Variants in COMMD1 observed in about 807,000 individuals in gnomAD.
COMMD1 encodes the protein copper metabolism domain containing 1.
Under a neutral mutation model 17.2 loss-of-function variants are expected in COMMD1, and 10 were observed. The observed-to-expected ratio is 0.58, with a 90% CI of 0.36 to 0.99. The LOEUF is 0.99. COMMD1 is among the 50% of genes least tolerant of loss of function. The pLI is 0.01. For synonymous variants in COMMD1, 97 were observed against 91.6 expected (o/e 1.06, Z -0.34); for missense variants, 270 against 231.8 (o/e 1.17, Z -1.07).
At chr2:62,000,039 C>A (rs1432228573) in intron 1 of COMMD1, among the ~76,000 whole-genome samples, 1 of 151,332 alleles carries the variant, frequency 6.6e-6, no homozygotes, top group Non-Finnish European at 1.5e-5. Flanking sequence ...TCTCCTGCCT[C>A]AGCCTCCCGA....
intron 2 of COMMD1, among the ~76,000 whole-genome samples, chr2:62,096,954 T>C (rs1558598075): frequency 6.6e-6 from 1 of 152,198 alleles, no homozygotes; most frequent in Non-Finnish European, 1.5e-5. Flanking sequence ...TAAGTAGGAC[T>C]TTCTGAGTAG....
intron 2 of COMMD1, among the ~76,000 whole-genome samples, chr2:62,088,499 A>G (rs1266565574): frequency 6.6e-6 from 1 of 152,222 alleles, no homozygotes; most frequent in East Asian, 1.9e-4. Flanking sequence ...CAGGCTGGAA[A>G]TATAAATGGT....
At chr2:61,931,517 T>A (rs1670467485) in intron 1 of COMMD1, among the ~76,000 whole-genome samples, 2 of 152,232 alleles carry the variant, frequency 1.3e-5, no homozygotes, top group Non-Finnish European at 2.9e-5. Flanking sequence ...GGGCAGAGCC[T>A]CTAAAGGTGT....
intron 1 of COMMD1, among the ~76,000 whole-genome samples, chr2:61,932,789 G>T (rs189038268): frequency 6.6e-5 from 10 of 152,302 alleles, no homozygotes; most frequent in African/African-American, 2.4e-4. Context: ...GCAAATGAAT[G>T]CTGGAAGCAG....
intron 1 of COMMD1, among the ~76,000 whole-genome samples, chr2:61,931,319 TAAATA>T (rs1670462254): frequency 6.6e-6 from 1 of 151,608 alleles, no homozygotes; most frequent in Admixed American, 6.6e-5. Context: ...CTCAAAAAAA[TAAATA>T]AAAATAAAAT....
At chr2:62,099,661 A>C (rs530539114) in intron 2 of COMMD1, among the ~76,000 whole-genome samples, 1 of 151,704 alleles carries the variant, frequency 6.6e-6, no homozygotes, top group East Asian at 1.9e-4. Flanking sequence ...AGCACTTTAC[A>C]GTGTTTCAAC....
chr2:62,028,789 G>C (rs886298588), intron 2 of COMMD1, among the ~76,000 whole-genome samples: 1 of 152,028 alleles, frequency 6.6e-6, no homozygotes, highest in African/African-American at 2.4e-5. Flanking sequence ...TCCTGATTTT[G>C]TTCTAAATGT....
intron 1 of COMMD1, among the ~76,000 whole-genome samples, chr2:61,917,326 C>T (rs1670075878): frequency 6.6e-6 from 1 of 150,846 alleles, no homozygotes; most frequent in Non-Finnish European, 1.5e-5. Context: ...CACTGTACTC[C>T]AGCCTGGGAG....
rs1299268251 is a variant in COMMD1 at position 61,952,709 on chromosome 2, T to C, written c.180+46851T>C. The stretch of plus-strand genomic sequence containing the variant: ...TCCAGTTTCCCTGTGTTGCTGGCCA[T>C]GTATTAATTAAATTCTTTCTTTACT... On this transcript the variant is annotated intron_variant, in intron 1 of 2. Transcript: ENST00000311832. Among the ~76,000 whole-genome samples the C allele has an allele frequency of 2.0e-5, 3 of 152,202 alleles. No individual in the cohort carries two copies. The South Asian group carries it at 6.2e-4, about 32-fold the overall frequency.
chr2:62,090,245 C>T (rs1671790133), intron 2 of COMMD1, among the ~76,000 whole-genome samples: 1 of 152,172 alleles, frequency 6.6e-6, no homozygotes, highest in African/African-American at 2.4e-5. Flanking sequence ...AAAGATTAGG[C>T]ATCCAAGGTT....
intron 2 of COMMD1, among the ~76,000 whole-genome samples, chr2:62,076,386 G>C (rs1671337140): frequency 6.6e-6 from 1 of 152,206 alleles, no homozygotes; most frequent in Non-Finnish European, 1.5e-5. Context: ...GATGTCTTTG[G>C]CCTAAGCCTT....
intron 2 of COMMD1, among the ~76,000 whole-genome samples, chr2:62,002,363 C>T (rs1163127467): frequency 2.3e-5 from 3 of 128,390 alleles, no homozygotes; most frequent in South Asian, 2.5e-4. Context: ...TGGTGGCAGG[C>T]GCCTATAATC....
At chr2:62,081,287 T>C (rs1671510684) in intron 2 of COMMD1, among the ~76,000 whole-genome samples, 2 of 151,480 alleles carry the variant, frequency 1.3e-5, no homozygotes, top group Admixed American at 6.6e-5. Context: ...AGTCTCACTG[T>C]GTTGCCCAGG....
chr2:61,985,559 C>T (rs1382621555), intron 1 of COMMD1, among the ~76,000 whole-genome samples: 1 of 152,016 alleles, frequency 6.6e-6, no homozygotes. Flanking sequence ...TTCTTTTCTT[C>T]CTCCTTGTCT....
chr2:62,028,594 G>T (rs1669831807), intron 2 of COMMD1, among the ~76,000 whole-genome samples: 1 of 151,934 alleles, frequency 6.6e-6, no homozygotes. Flanking sequence ...AAAATAAAAA[G>T]GATTAAAATA....
chr2:62,135,862 A>G lies in COMMD1; in HGVS notation c.494A>G (p.Glu165Gly). The change falls in exon 3 of 3, where the codon GAG becomes GGG. Residue 165 changes from glutamate (E) to glycine (G), a missense_variant. Transcript: ENST00000311832. ...GAATTTCTGTGTTTGGAATTTGATG[A>G]GGTCAAAGTCAACCAAATTCTGAAG... ...ESEFLCLEFD[E>G]VKVNQILKTL... 1 of 1,586,136 alleles carries G rather than the reference A, an allele frequency of 6.3e-7. No individual in the cohort carries two copies. The highest frequency in any genetic ancestry group is 8.7e-7 in the Non-Finnish European group (1 of 1,154,438).
chr2:62,073,822 C>T (rs1260669483), intron 2 of COMMD1, among the ~76,000 whole-genome samples: 8 of 152,148 alleles, frequency 5.3e-5, no homozygotes, highest in African/African-American at 1.2e-4. Flanking sequence ...CCTCAGCCTC[C>T]GAAGTAGCTG....
intron 2 of COMMD1, among the ~76,000 whole-genome samples, chr2:62,093,239 T>A (rs778227265): frequency 1.3e-5 from 2 of 152,208 alleles, no homozygotes; most frequent in African/African-American, 2.4e-5. Flanking sequence ...AAACTCCAAC[T>A]GCCATACTTT....
At position 61,989,852 on chromosome 2, in the gene COMMD1, C is replaced by A. The variant is rs150758744; in HGVS notation, c.181-10849C>A. ...GCCTACTGTGTTCCAGTTTTGCAGA[C>A]CTTGGGGATTAAATATTAAGTAAGA... On this transcript the variant is annotated intron_variant, in intron 1 of 2. Coordinates refer to ENST00000311832, the MANE Select transcript of COMMD1 (RefSeq NM_152516.4). Among the ~76,000 whole-genome samples, 347 of 152,224 alleles carry A rather than the reference C, an allele frequency of 2.3e-3. 3 individuals are homozygous for A. Among genetic ancestry groups the A allele is most frequent in the East Asian group, 4.4e-3 (23 of 5,180 alleles).
Sources: gnomAD v4.1 joint callset for allele counts (sites outside exome capture counted in the v4.1 genomes callset) on GRCh38, gnomAD v4.1.1 for gene constraint, MANE v1.5 for transcripts, NCBI Gene and HGNC (gene_info 2026-07-23, HGNC 2026-07-21) for gene names.